Variants in OSBPL9 observed in about 807,000 individuals in gnomAD.
The protein encoded by OSBPL9 is oxysterol binding protein like 9.
Under a neutral mutation model 106.6 loss-of-function variants are expected in OSBPL9, and 40 were observed. The observed-to-expected ratio is 0.38, with a 90% CI of 0.29 to 0.49. OSBPL9 has a LOEUF of 0.49. Ranked by LOEUF, OSBPL9 falls within the 20% of genes least tolerant of loss-of-function variation. The pLI, the probability that OSBPL9 is intolerant of heterozygous loss-of-function variation, is 0.97. For synonymous variants in OSBPL9, 269 were observed against 295.4 expected (o/e 0.91, Z 0.92); for missense variants, 609 against 887.2 (o/e 0.69, Z 3.98).
At chr1:51,755,471 G>A (rs1217229169) in intron 8 of OSBPL9, among the ~76,000 whole-genome samples, 2 of 152,120 alleles carry the variant, frequency 1.3e-5, no homozygotes, top group Non-Finnish European at 2.9e-5. Flanking sequence ...AAAGTAATAT[G>A]CGTTCAATAG....
chr1:51,673,888 G>GT (rs75863412), intron 3 of OSBPL9, among the ~76,000 whole-genome samples: 1,438 of 139,500 alleles, frequency 0.01, 17 homozygotes, highest in African/African-American at 0.025. Context: ...CTCTAAAAAA[G>GT]TTTTTTTTTT....
At chr1:51,709,176 G>C (rs1659271212) in intron 3 of OSBPL9, 1 of 168,146 alleles carries the variant, frequency 5.9e-6, no homozygotes, top group Non-Finnish European at 1.3e-5. Context: ...ACTGCTGCAG[G>C]TGCAACATGC....
chr1:51,761,065 A>G (rs1256023394), intron 10 of OSBPL9, among the ~76,000 whole-genome samples: 1 of 152,244 alleles, frequency 6.6e-6, no homozygotes, highest in Admixed American at 6.5e-5. Flanking sequence ...TCTATGACTC[A>G]GAATTCATGG....
At chr1:51,760,040 A>G (rs1671159241) in intron 9 of OSBPL9, 1 of 152,270 alleles carries the variant, frequency 6.6e-6, no homozygotes, top group African/African-American at 2.4e-5. Flanking sequence ...TAAACAATAC[A>G]GTATAATGGT....
At chr1:51,665,310 A>G (rs1648178189) in intron 2 of OSBPL9, among the ~76,000 whole-genome samples, 1 of 151,858 alleles carries the variant, frequency 6.6e-6, no homozygotes, top group South Asian at 2.1e-4. Flanking sequence ...ATGCCTGGCT[A>G]ATTTTGTATT....
At chr1:51,721,413 T>C (rs952971500) in intron 4 of OSBPL9, among the ~76,000 whole-genome samples, 9 of 149,900 alleles carry the variant, frequency 6.0e-5, no homozygotes, top group Non-Finnish European at 1.3e-4. Flanking sequence ...TTGTAAAACC[T>C]TTTTTTTTCC....
chr1:51,702,663 T>A (rs1256871770), intron 3 of OSBPL9, among the ~76,000 whole-genome samples: 1 of 152,242 alleles, frequency 6.6e-6, no homozygotes, highest in Non-Finnish European at 1.5e-5. Flanking sequence ...ATCCCATTTG[T>A]CAATTTTGGC....
intron 4 of OSBPL9, among the ~76,000 whole-genome samples, chr1:51,733,521 T>C (rs985833770): frequency 2.2e-4 from 33 of 152,238 alleles, no homozygotes; most frequent in Admixed American, 4.6e-4. Context: ...CACGCTGTAA[T>C]CCTAGCACTT....
At chr1:51,583,977 T>C (rs1225811561) in intron 1 of OSBPL9, among the ~76,000 whole-genome samples, 1 of 152,108 alleles carries the variant, frequency 6.6e-6, no homozygotes, top group Non-Finnish European at 1.5e-5. Context: ...CCCTCCCCCA[T>C]ACCTGAACTA....
intron 15 of OSBPL9, 101 bp downstream of exon 15, chr1:51,777,019 A>C (rs554010323): frequency 1.1e-6 from 1 of 925,196 alleles, no homozygotes; most frequent in East Asian, 2.4e-5. Context: ...TCACCTTTCA[A>C]ACATTTCTGG....
At chr1:51,627,755 C>A (rs1205024709) in intron 1 of OSBPL9, among the ~76,000 whole-genome samples, 1 of 151,752 alleles carries the variant, frequency 6.6e-6, no homozygotes, top group Non-Finnish European at 1.5e-5. Context: ...CCTAACCTGT[C>A]TTCCTCAATA....
At chr1:51,702,758 G>A (rs1657584436) in intron 3 of OSBPL9, among the ~76,000 whole-genome samples, 1 of 152,096 alleles carries the variant, frequency 6.6e-6, no homozygotes, top group African/African-American at 2.4e-5. Context: ...GTTTTCTTCT[G>A]TGGTTTTTAT....
intron 1 of OSBPL9, among the ~76,000 whole-genome samples, chr1:51,633,069 G>A (rs563025760): frequency 5.7e-4 from 86 of 152,034 alleles, no homozygotes; most frequent in African/African-American, 2.0e-3. Flanking sequence ...CAATTCTCCT[G>A]CCTCAGCCTC....
intron 4 of OSBPL9, among the ~76,000 whole-genome samples, chr1:51,721,140 ATT>A (rs77240407): frequency 9.5e-4 from 134 of 140,436 alleles, no homozygotes; most frequent in African/African-American, 2.8e-3. Flanking sequence ...TTTTATGTTA[ATT>A]TTTTTTTTTT....
At chr1:51,717,496 C>G (rs973106036) in intron 4 of OSBPL9, among the ~76,000 whole-genome samples, 1 of 152,128 alleles carries the variant, frequency 6.6e-6, no homozygotes. Context: ...TTAGTACTTT[C>G]TTGTTTTGCT....
At chr1:51,574,329 CATGAA>C (rs1251984745), upstream of OSBPL9, among the ~76,000 whole-genome samples, 2 of 152,152 alleles carry the variant, frequency 1.3e-5, no homozygotes, top group African/African-American at 2.4e-5. Flanking sequence ...GGTTGAAAGG[CATGAA>C]ACAGGCCGGG....
chr1:51,655,913 C>T (rs769194832), intron 2 of OSBPL9, among the ~76,000 whole-genome samples: 1 of 152,184 alleles, frequency 6.6e-6, no homozygotes, highest in Non-Finnish European at 1.5e-5. Flanking sequence ...TGTGCACACA[C>T]GTGCATTTTA....
chr1:51,692,281 C>A (rs1162271231), intron 3 of OSBPL9, among the ~76,000 whole-genome samples: 1 of 152,108 alleles, frequency 6.6e-6, no homozygotes, highest in Non-Finnish European at 1.5e-5. Flanking sequence ...CCACTGCACT[C>A]TAACCTGGGC....
intron 11 of OSBPL9, among the ~76,000 whole-genome samples, chr1:51,763,899 G>A (rs1386834209): frequency 2.0e-5 from 3 of 152,030 alleles, no homozygotes; most frequent in Non-Finnish European, 4.4e-5. Flanking sequence ...TTGGAAATAC[G>A]TAAAACTAGC....
Sources: gnomAD v4.1 joint callset for allele counts (sites outside exome capture counted in the v4.1 genomes callset) on GRCh38, gnomAD v4.1.1 for gene constraint, MANE v1.5 for transcripts, NCBI Gene and HGNC (gene_info 2026-07-23, HGNC 2026-07-21) for gene names.